The following PTPRR variants were observed in gnomAD, a reference collection of about 807,000 sequenced individuals.
PTPRR encodes receptor-type tyrosine-protein phosphatase R.
Under a neutral mutation model 77.2 loss-of-function variants are expected in PTPRR, and 38 were observed. The observed-to-expected ratio is 0.49, with a 90% confidence interval of 0.38 to 0.65. PTPRR has a LOEUF of 0.65. Ranked by LOEUF, PTPRR falls within the 30% of genes least tolerant of loss-of-function variation. The pLI is 0.00. For synonymous variants in PTPRR, 299 were observed against 283.1 expected, an observed-to-expected ratio of 1.06 and a Z score of -0.57; for missense variants, 744 against 799.2, an observed-to-expected ratio of 0.93 and a Z score of 0.83.
At chr12:70,829,645 A>G (rs1466282016) in intron 2 of PTPRR, among the ~76,000 whole-genome samples, 1 of 152,164 alleles carries the variant, frequency 6.6e-6, no homozygotes, top group Non-Finnish European at 1.5e-5. Context: ...TTCTCTCTGC[A>G]TGGCACTTTT....
At chr12:70,893,004 T>C in intron 1 of PTPRR, 27 bp from the exon 2 acceptor site, 2 of 1,603,882 alleles carry the variant, frequency 1.2e-6, no homozygotes, top group South Asian at 1.1e-5. Flanking sequence ...GCAGAAACAA[T>C]ATCAAAGACC....
intron 13 of PTPRR, among the ~76,000 whole-genome samples, chr12:70,647,796 G>A (rs766016253): frequency 2.0e-5 from 3 of 151,934 alleles, no homozygotes; most frequent in Admixed American, 6.6e-5. Flanking sequence ...ATACATTTAC[G>A]GTAATCTCCT....
At chr12:70,876,749 T>A (rs903209692) in intron 2 of PTPRR, among the ~76,000 whole-genome samples, 12 of 152,186 alleles carry the variant, frequency 7.9e-5, no homozygotes, top group African/African-American at 2.9e-4. Flanking sequence ...TTTTAAAAAA[T>A]AGTCTTCTTT....
intron 2 of PTPRR, among the ~76,000 whole-genome samples, chr12:70,807,369 C>CA (rs1298368918): frequency 3.3e-5 from 5 of 152,036 alleles, no homozygotes; most frequent in African/African-American, 1.2e-4. Flanking sequence ...TCTACTTGCC[C>CA]ACCTTTTAAA....
At position 70,666,935 on chromosome 12, in the gene PTPRR, G is replaced by GTTTTTTTTTTTTTTTTTTT. The variant is rs142691396; in HGVS notation, c.1498-4349_1498-4331dup. Reference sequence around the variant, plus strand: ...TTTTTGATTAACTGTGTGTTTTTCTGTTTTTTTTTTTTTTTTTTTTTTTTT... The same window carrying GTTTTTTTTTTTTTTTTTTT: ...TTTTTGATTAACTGTGTGTTTTTCTGTTTTTTTTTTTTTTTTTTTTTTTTTTTTTTTTTTTTTTTTTTTT... On this transcript the variant is annotated intron_variant, in intron 10 of 13. Transcript: ENST00000283228. Among the ~76,000 whole-genome samples, 9 of 29,052 alleles carry GTTTTTTTTTTTTTTTTTTT rather than the reference G, an allele frequency of 3.1e-4. 3 individuals are homozygous for GTTTTTTTTTTTTTTTTTTT. Among genetic ancestry groups the GTTTTTTTTTTTTTTTTTTT allele is most frequent in the Non-Finnish European group, 7.3e-4 (8 of 10,902 alleles). 19.1% of individuals were successfully genotyped at this position (29,052 alleles called of 152,430 possible). A position where few individuals can be genotyped will look rare whatever the true frequency, so the allele number is the denominator to read the frequency against.
chr12:70,838,307 A>G (rs890181258), intron 2 of PTPRR, among the ~76,000 whole-genome samples: 16 of 152,182 alleles, frequency 1.1e-4, no homozygotes, highest in Admixed American at 5.2e-4. Flanking sequence ...TTACAGTCTA[A>G]CATGGATTTG....
In PTPRR at chr12:70,895,109, G is replaced by A. The variant is rs577947186; in HGVS notation, c.59-2132C>T. Among the ~76,000 whole-genome samples the A allele has an allele frequency of 2.0e-5, 3 of 151,746 alleles. No individual in the cohort carries two copies. The East Asian group carries it at 5.8e-4, about 29-fold the overall frequency. On this transcript the variant is annotated intron_variant, in intron 1 of 13. Transcript: ENST00000283228. Reference sequence around the variant, plus strand: ...GTTGAAGGGATACGGGTGAAACAGAGTTGCTGAAGATGTAAGACGTATATG... The same window carrying A: ...GTTGAAGGGATACGGGTGAAACAGAATTGCTGAAGATGTAAGACGTATATG...
intron 2 of PTPRR, among the ~76,000 whole-genome samples, chr12:70,808,541 C>T (rs2102619): frequency 0.8 from 121,507 of 152,022 alleles, 50,352 homozygotes; most frequent in South Asian, 0.93. Context: ...CTCTCTCCCT[C>T]TATTTCTCAG....
At chr12:70,740,916 T>G (rs551245821) in intron 6 of PTPRR, among the ~76,000 whole-genome samples, 2 of 152,152 alleles carry the variant, frequency 1.3e-5, no homozygotes, top group East Asian at 3.9e-4. Flanking sequence ...ATATATAAAT[T>G]AAATTTTAAG....
intron 12 of PTPRR, among the ~76,000 whole-genome samples, chr12:70,660,205 T>TA: frequency 6.6e-6 from 1 of 151,122 alleles, no homozygotes; most frequent in African/African-American, 2.4e-5. Flanking sequence ...AATAAATAAA[T>TA]AAATAAATAG....
intron 6 of PTPRR, among the ~76,000 whole-genome samples, chr12:70,722,593 A>G (rs532960293): frequency 2.1e-4 from 32 of 152,104 alleles, no homozygotes; most frequent in Non-Finnish European, 3.8e-4. Flanking sequence ...GCTTTTATTT[A>G]TGAGTTATCT....
At chr12:70,815,893 A>G (rs1891894591) in intron 2 of PTPRR, among the ~76,000 whole-genome samples, 1 of 152,176 alleles carries the variant, frequency 6.6e-6, no homozygotes, top group African/African-American at 2.4e-5. Context: ...GCTATGGCCT[A>G]AACAATTTTA....
chr12:70,667,619 T>C (rs1455550938), intron 10 of PTPRR, among the ~76,000 whole-genome samples: 1 of 152,158 alleles, frequency 6.6e-6, no homozygotes, highest in African/African-American at 2.4e-5. Context: ...TTGCTTCCTG[T>C]TGAATCTATC....
chr12:70,750,540 C>T (rs1028290390), intron 5 of PTPRR, among the ~76,000 whole-genome samples: 1 of 152,164 alleles, frequency 6.6e-6, no homozygotes, highest in Admixed American at 6.5e-5. Context: ...AATTTGAACA[C>T]TTAGAAAGAT....
intron 6 of PTPRR, among the ~76,000 whole-genome samples, chr12:70,719,777 C>CCT (rs1889177556): frequency 1.3e-5 from 2 of 152,190 alleles, no homozygotes; most frequent in South Asian, 4.1e-4. Flanking sequence ...CATTAACAGA[C>CCT]CTCTGCGAAG....
intron 6 of PTPRR, among the ~76,000 whole-genome samples, chr12:70,711,210 T>TA (rs1453718995): frequency 6.6e-6 from 1 of 151,948 alleles, no homozygotes; most frequent in South Asian, 2.1e-4. Context: ...TATGCAGCCA[T>TA]AAAAAAAGAA....
intron 2 of PTPRR, among the ~76,000 whole-genome samples, chr12:70,781,095 T>C (rs78706425): frequency 6.6e-6 from 1 of 152,310 alleles, no homozygotes; most frequent in African/African-American, 2.4e-5. Context: ...CTATCAGCAA[T>C]ATAATTGACA....
chr12:70,713,601 GT>G (rs1473631139), intron 6 of PTPRR, among the ~76,000 whole-genome samples: 3 of 146,992 alleles, frequency 2.0e-5, no homozygotes, highest in African/African-American at 5.0e-5. Flanking sequence ...CCTAGTAGGT[GT>G]GAAGTGTATC....
intron 1 of PTPRR, among the ~76,000 whole-genome samples, chr12:70,903,068 G>T (rs775838622): frequency 2.6e-5 from 4 of 151,778 alleles, no homozygotes; most frequent in African/African-American, 4.8e-5. Flanking sequence ...TAGAAAAGTA[G>T]AGAGTAGAAA....
Sources: gnomAD v4.1 joint callset for allele counts (sites outside exome capture counted in the v4.1 genomes callset) on GRCh38, gnomAD v4.1.1 for gene constraint, MANE v1.5 for transcripts, NCBI Gene and HGNC (gene_info 2026-07-23, HGNC 2026-07-21) for gene names.